Variants in PARPBP observed in about 807,000 individuals in gnomAD.
The protein encoded by PARPBP is PCNA-interacting partner.
Under a neutral mutation model 50.0 loss-of-function variants are expected in PARPBP, and 52 were observed. That is an observed-to-expected ratio of 1.04 (90% CI 0.83 to 1.31). The LOEUF (loss-of-function observed/expected upper bound fraction) is 1.31. PARPBP is among the 50% of genes most tolerant of loss of function. The pLI is 0.00. For missense variants in PARPBP, 697 were observed against 672.0 expected (o/e 1.04, Z -0.41); for synonymous variants, 244 against 232.1 (o/e 1.05, Z -0.47).
chr12:102,164,561 A>G lies in PARPBP; in HGVS notation c.619A>G (p.Thr207Ala). 1.2e-6 allele frequency: 2 copies of G among 1,613,510 alleles called. No individual in the cohort carries two copies. Among genetic ancestry groups the G allele is most frequent in the East Asian group, 4.5e-5 (2 of 44,834 alleles). ...TAGAGGACTAGGAAGAGAAGCCTTCACTGATTTGAAACATGCTGCTCGAGA... is the reference window on the plus strand; with the variant it reads ...TAGAGGACTAGGAAGAGAAGCCTTCGCTGATTTGAAACATGCTGCTCGAGA... ...PDRGLGREAF[T>A]DLKHAAREKQ... is the part of the protein sequence containing the mutation. The change falls in exon 5 of 11, where the codon ACT (threonine) becomes GCT (alanine). Residue 207 changes from threonine to alanine, a missense_variant. By Grantham distance (58) the Thr-to-Ala change is moderately conservative. Transcript: ENST00000327680.
intron 2 of PARPBP, among the ~76,000 whole-genome samples, chr12:102,141,884 A>G (rs1464860090): frequency 2.0e-5 from 3 of 152,078 alleles, no homozygotes; most frequent in African/African-American, 4.8e-5. Flanking sequence ...TCCCTTTGTG[A>G]GTAACCTGAC....
intron 4 of PARPBP, chr12:102,154,817 C>T (rs1314935334): frequency 4.0e-5 from 18 of 454,338 alleles, no homozygotes; most frequent in Non-Finnish European, 7.5e-5. Flanking sequence ...CTAAATCTTT[C>T]CCCTTCCAGG....
At chr12:102,178,884 T>C in intron 8 of PARPBP, 114 bp downstream of exon 8, 1 of 633,376 alleles carries the variant, frequency 1.6e-6, no homozygotes, top group Non-Finnish European at 2.6e-6. Context: ...AGAAAGAAAA[T>C]AAAAGTTAAT....
At chr12:102,195,020 T>G (rs1891145905) in intron 9 of PARPBP, among the ~76,000 whole-genome samples, 2 of 151,692 alleles carry the variant, frequency 1.3e-5, no homozygotes, top group South Asian at 4.1e-4. Flanking sequence ...CAGGAACATG[T>G]AACAAAGCCC....
chr12:102,162,359 T>C (rs1887690774), intron 4 of PARPBP, among the ~76,000 whole-genome samples: 5 of 152,160 alleles, frequency 3.3e-5, no homozygotes, highest in Admixed American at 2.6e-4. Context: ...GTGTTTTGAG[T>C]GGGAATCGAG....
intron 2 of PARPBP, among the ~76,000 whole-genome samples, chr12:102,124,993 A>G (rs750037688): frequency 1.3e-5 from 2 of 152,240 alleles, no homozygotes; most frequent in Admixed American, 6.5e-5. Flanking sequence ...AAAAATTAAA[A>G]AGTATAAAAT....
chr12:102,146,976 G>A (rs368746845), intron 2 of PARPBP, among the ~76,000 whole-genome samples: 27,561 of 151,032 alleles, frequency 0.18, 2,567 homozygotes, highest in Non-Finnish European at 0.2. Flanking sequence ...AATGCTCACC[G>A]TCACTGGCCA....
chr12:102,150,329 G>T (rs1404923679), intron 3 of PARPBP: 1 of 451,676 alleles, frequency 2.2e-6, no homozygotes, highest in Admixed American at 2.4e-5. Context: ...TCTCAAAAAT[G>T]CACTAAGTAT....
chr12:102,153,352 A>C (rs1417467648), intron 3 of PARPBP, among the ~76,000 whole-genome samples: 1 of 152,150 alleles, frequency 6.6e-6, no homozygotes, highest in Non-Finnish European at 1.5e-5. Flanking sequence ...TGTGCCTATT[A>C]AACTCTTTTT....
intron 9 of PARPBP, 106 bp downstream of exon 9, chr12:102,182,733 A>G: frequency 1.3e-6 from 1 of 757,868 alleles, no homozygotes; most frequent in South Asian, 1.7e-5. Context: ...AACATTGTAC[A>G]TGACACAGTA....
In PARPBP at chr12:102,178,624, A is replaced by G. The variant is rs761091600; in HGVS notation, c.1038A>G (p.Ala346=). 1.9e-6 allele frequency: 3 copies of G among 1,612,460 alleles called. No individual in the cohort carries two copies. The highest frequency in any genetic ancestry group is 2.2e-5 in the East Asian group (1 of 44,828). The part of the protein sequence containing the change: ...PKSHAINHGT[A]YCGRDTVKAL... Reference sequence around the variant, plus strand: ...CTCATGCCATAAACCATGGTACTGCATACTGTGGCAGAGATACTGTGAAAG... The same window carrying G: ...CTCATGCCATAAACCATGGTACTGCGTACTGTGGCAGAGATACTGTGAAAG... Residue 346 remains alanine, a synonymous_variant, in exon 8 of 11, where the codon GCA becomes GCG. Transcript: ENST00000327680.
chr12:102,176,184 A>C (rs529920236), intron 7 of PARPBP, among the ~76,000 whole-genome samples: 3 of 151,910 alleles, frequency 2.0e-5, no homozygotes, highest in African/African-American at 7.2e-5. Flanking sequence ...GGGTTTCACT[A>C]TGTTGGCCAG....
chr12:102,155,467 T>C (rs1420034358), intron 4 of PARPBP, among the ~76,000 whole-genome samples: 4 of 151,842 alleles, frequency 2.6e-5, no homozygotes. Flanking sequence ...CATCCACCTT[T>C]AAACAAGTGG....
At chr12:102,183,523 T>A (rs1292239593) in intron 9 of PARPBP, among the ~76,000 whole-genome samples, 1 of 152,160 alleles carries the variant, frequency 6.6e-6, no homozygotes, top group Non-Finnish European at 1.5e-5. Flanking sequence ...TAGCAATTAA[T>A]GCTTGTGGAA....
intron 4 of PARPBP, among the ~76,000 whole-genome samples, chr12:102,161,419 TC>T (rs1887576950): frequency 2.0e-5 from 3 of 152,164 alleles, no homozygotes; most frequent in African/African-American, 7.2e-5. Flanking sequence ...GGTAAGTTTT[TC>T]TTAATAGATT....
At chr12:102,127,962 A>G (rs1594434912) in intron 2 of PARPBP, among the ~76,000 whole-genome samples, 1 of 152,194 alleles carries the variant, frequency 6.6e-6, no homozygotes, top group Non-Finnish European at 1.5e-5. Flanking sequence ...ATATGTATAC[A>G]TTGTGAAATG....
chr12:102,165,652 A>G (rs1888062808), intron 5 of PARPBP, 77 bp from the exon 6 acceptor site: 2 of 1,153,984 alleles, frequency 1.7e-6, no homozygotes, highest in African/African-American at 1.6e-5. Flanking sequence ...AATTATATAG[A>G]TTTACTTAGC....
chr12:102,164,490 A>G lies in PARPBP; in HGVS notation c.548A>G (p.Asn183Ser), dbSNP rs1401243856. The G allele has an allele frequency of 1.9e-6, 3 of 1,612,932 alleles. No individual in the cohort carries two copies. The highest frequency in any genetic ancestry group is 2.5e-6 in the Non-Finnish European group (3 of 1,179,150). ...IIFSYLNLLV[N>S]SKNDLAVAYI... ...TTTTCATATTTAAATCTGCTAGTGA[A>G]TTCAAAGAATGACCTGGCTGTGGCT... The change falls in exon 5 of 11, where the codon AAT becomes AGT. Residue 183 changes from asparagine (N) to serine (S), a missense_variant. Transcript: ENST00000327680.
At chr12:102,127,755 A>G (rs1218831585) in intron 2 of PARPBP, among the ~76,000 whole-genome samples, 1 of 152,214 alleles carries the variant, frequency 6.6e-6, no homozygotes, top group African/African-American at 2.4e-5. Flanking sequence ...AAAATATTCA[A>G]AATATATTGT....
Sources: allele counts gnomAD v4.1 joint callset (sites outside exome capture counted in the v4.1 genomes callset), GRCh38; gene constraint gnomAD v4.1.1; transcripts MANE v1.5; gene names NCBI Gene and HGNC (gene_info 2026-07-23, HGNC 2026-07-21).